CAMK2D: variants seen among roughly 807,000 people sequenced by gnomAD.
The protein encoded by CAMK2D is calcium/calmodulin-dependent protein kinase type II subunit delta.
A neutral mutation model predicts 84.0 loss-of-function variants in CAMK2D; 37 were observed. That is an observed-to-expected ratio of 0.44 (90% confidence interval 0.34 to 0.58). CAMK2D has a LOEUF of 0.58. Among genes scored for constraint, CAMK2D ranks in the 20% least tolerant of loss-of-function variants. The probability of loss-of-function intolerance (pLI) is 0.02; values close to 1 mark genes in which losing one functional copy is unlikely to be tolerated. For synonymous variants in CAMK2D, 202 were observed against 212.5 expected, an observed-to-expected ratio of 0.95 and a Z score of 0.43; for missense variants, 448 against 652.5, an observed-to-expected ratio of 0.69 and a Z score of 3.41.
chr4:113,600,698 T>C (rs2098948144), intron 4 of CAMK2D, among the ~76,000 whole-genome samples: 1 of 152,194 alleles, frequency 6.6e-6, no homozygotes, highest in Non-Finnish European at 1.5e-5. Flanking sequence ...AGTGGCATAA[T>C]CTTGTCTCAC....
intron 16 of CAMK2D, among the ~76,000 whole-genome samples, chr4:113,477,244 T>C (rs1367653472): frequency 6.6e-6 from 1 of 152,168 alleles, no homozygotes; most frequent in Non-Finnish European, 1.5e-5. Flanking sequence ...CCAAGAGCCA[T>C]TTCCGTGCTT....
intron 7 of CAMK2D, among the ~76,000 whole-genome samples, chr4:113,532,456 A>T (rs2154183983): frequency 6.6e-6 from 1 of 152,284 alleles, no homozygotes; most frequent in South Asian, 2.1e-4. Flanking sequence ...GGTAGTTGTG[A>T]GGTACAGAGA....
At position 113,515,203 on chromosome 4, in the gene CAMK2D, T is replaced by C. The variant is rs745872475; in HGVS notation, c.697-12A>G. 1.5e-5 allele frequency: 23 copies of C among 1,574,650 alleles called. No individual in the cohort carries two copies. The South Asian group carries it at 2.7e-4, about 19-fold the overall frequency. ...TCTGGTGATGGAAACTTCAAAAATA[T>C]AAATTTATAAAAAGTTTAAAAAATA... On this transcript the variant is annotated splice_polypyrimidine_tract_variant and intron_variant, in intron 9 of 20. Transcript: ENST00000511664.
At chr4:113,623,012 G>A (rs186846325) in intron 3 of CAMK2D, among the ~76,000 whole-genome samples, 6 of 152,222 alleles carry the variant, frequency 3.9e-5, no homozygotes, top group Middle Eastern at 3.4e-3. Context: ...ATAAGGATAC[G>A]TAACAGAGAA....
chr4:113,664,531 C>T (rs2099250152), intron 2 of CAMK2D, among the ~76,000 whole-genome samples: 1 of 152,102 alleles, frequency 6.6e-6, no homozygotes, highest in Non-Finnish European at 1.5e-5. Context: ...GGTCTGAGTT[C>T]CTAGCTAGCT....
chr4:113,645,800 G>A (rs1198841773), intron 3 of CAMK2D, among the ~76,000 whole-genome samples: 1 of 152,150 alleles, frequency 6.6e-6, no homozygotes, highest in Admixed American at 6.5e-5. Context: ...TAAGGAAGCA[G>A]CTAGCAGTTT....
chr4:113,489,315 GA>G (rs1319311689), intron 16 of CAMK2D, among the ~76,000 whole-genome samples: 1 of 121,548 alleles, frequency 8.2e-6, no homozygotes, highest in African/African-American at 3.2e-5. Flanking sequence ...ACAGTCCCCA[GA>G]GTGTGATAGT....
chr4:113,487,411 C>CA lies in CAMK2D; in HGVS notation c.1135+13051dup, dbSNP rs570665635. Among the ~76,000 whole-genome samples the CA allele has an allele frequency of 6.1e-3, 923 of 151,916 alleles. 9 individuals are homozygous for CA. Among genetic ancestry groups the CA allele is most frequent in the African/African-American group, 0.021 (890 of 41,422 alleles). ...TTGGTATAAAATAATACAAACTCAG[C>CA]AAAGGAGACATTATTTCACTCAAGC... is the stretch of plus-strand genomic sequence containing the variant. On this transcript the variant is annotated intron_variant, in intron 16 of 20. Coordinates refer to ENST00000511664, the MANE Select transcript of CAMK2D (RefSeq NM_001321571.2).
Position 113,761,628 on chromosome 4 carries a change from A to G in CAMK2D, c.-560T>C. 1.0e-6 allele frequency: 1 copy of G among 985,118 alleles called. No homozygotes were observed. The highest frequency in any genetic ancestry group is 4.7e-5 in the South Asian group (1 of 21,290). The allele number at this position is 985,118 out of a possible 1,614,324, so 61.0% of individuals were successfully genotyped here. A position where few individuals can be genotyped will look rare whatever the true frequency, so the allele number is the denominator to read the frequency against. Reference sequence around the variant, plus strand: ...GGGCTCCGACGAGCGTGCGCGCCCGAGGCCGGCTTCCCTCCGGCGGGCGGC... The same window carrying G: ...GGGCTCCGACGAGCGTGCGCGCCCGGGGCCGGCTTCCCTCCGGCGGGCGGC... On this transcript the variant is annotated 5_prime_UTR_variant, in exon 1 of 21. Coordinates refer to ENST00000511664, the MANE Select transcript of CAMK2D (RefSeq NM_001321571.2).
intron 4 of CAMK2D, among the ~76,000 whole-genome samples, chr4:113,577,454 T>C (rs1027747718): frequency 2.6e-5 from 4 of 152,178 alleles, no homozygotes; most frequent in East Asian, 1.9e-4. Flanking sequence ...AACTCTCCAT[T>C]CTCCCCCTCC....
intron 6 of CAMK2D, among the ~76,000 whole-genome samples, chr4:113,539,903 T>A (rs1173613884): frequency 6.6e-6 from 1 of 152,142 alleles, no homozygotes; most frequent in Non-Finnish European, 1.5e-5. Flanking sequence ...TGAAATTATA[T>A]AATGAAAACT....
At chr4:113,483,705 C>T (rs887722523) in intron 16 of CAMK2D, among the ~76,000 whole-genome samples, 12 of 151,926 alleles carry the variant, frequency 7.9e-5, no homozygotes, top group Admixed American at 5.2e-4. Flanking sequence ...CGTGCCTGGC[C>T]GTATTTATTT....
chr4:113,609,218 TAA>T lies in CAMK2D; in HGVS notation c.221-14_221-13del, dbSNP rs768235604. 1.6e-5 allele frequency: 25 copies of T among 1,518,048 alleles called. No individual in the cohort carries two copies. The East Asian group carries it at 5.6e-4, about 34-fold the overall frequency. The allele number at this position is 1,518,048 out of a possible 1,614,324, so 94.0% of individuals were successfully genotyped here. A position where few individuals can be genotyped will look rare whatever the true frequency, so the allele number is the denominator to read the frequency against. On this transcript the variant is annotated splice_polypyrimidine_tract_variant and intron_variant, in intron 3 of 20. Transcript: ENST00000511664. Reference sequence around the variant, plus strand: ...ATCATGAAGTCGCACTAGAAAAAAATAAGAGAAGAAAAATTGTGTTATACCTA... The same window carrying T: ...ATCATGAAGTCGCACTAGAAAAAAATGAGAAGAAAAATTGTGTTATACCTA...
intron 6 of CAMK2D, among the ~76,000 whole-genome samples, chr4:113,545,223 C>A (rs1210127965): frequency 6.6e-6 from 1 of 151,992 alleles, no homozygotes. Context: ...TGTGGAGTAT[C>A]GCATTACGTT....
Position 113,629,785 on chromosome 4 carries a change from T to TAA in CAMK2D, c.221-20581_221-20580dup, listed in dbSNP as rs75795050. 2.3e-3 allele frequency among the ~76,000 whole-genome samples: 303 copies of TAA among 132,656 alleles called. 1 individual carries two copies. The Middle Eastern group carries it at 0.025, about 11-fold the overall frequency. 87.0% of individuals were successfully genotyped at this position (132,656 alleles called of 152,430 possible). ...CTTGTCAATTGGATTATGTTCTTGG[T>TAA]AAAAAAAAAAAAAAAATAGAAAGGG... On this transcript the variant is annotated intron_variant, in intron 3 of 20. Coordinates refer to ENST00000511664, the MANE Select transcript of CAMK2D (RefSeq NM_001321571.2).
intron 16 of CAMK2D, among the ~76,000 whole-genome samples, chr4:113,496,078 T>C (rs913200970): frequency 2.0e-5 from 3 of 152,152 alleles, no homozygotes; most frequent in African/African-American, 7.2e-5. Flanking sequence ...CTGCAAACTG[T>C]GGCTACAGCC....
At chr4:113,629,084 A>C (rs1265996398) in intron 3 of CAMK2D, among the ~76,000 whole-genome samples, 1 of 152,100 alleles carries the variant, frequency 6.6e-6, no homozygotes, top group Non-Finnish European at 1.5e-5. Context: ...TAAGGGACTA[A>C]TGATTTTTAT....
chr4:113,569,179 A>G (rs186443955), intron 4 of CAMK2D, among the ~76,000 whole-genome samples: 57 of 152,214 alleles, frequency 3.7e-4, no homozygotes, highest in African/African-American at 1.4e-3. Flanking sequence ...CACTGTGCCT[A>G]GCCCATATTT....
intron 2 of CAMK2D, among the ~76,000 whole-genome samples, chr4:113,708,129 T>TC (rs2154352685): frequency 1.3e-5 from 2 of 152,210 alleles, no homozygotes; most frequent in South Asian, 4.1e-4. Flanking sequence ...TCCCATTCTC[T>TC]CCCCCTTCCC....
Sources: gnomAD v4.1 joint callset for allele counts (sites outside exome capture counted in the v4.1 genomes callset) on GRCh38, gnomAD v4.1.1 for gene constraint, MANE v1.5 for transcripts, NCBI Gene and HGNC (gene_info 2026-07-23, HGNC 2026-07-21) for gene names.